DCUN1D3: variants seen among roughly 807,000 people sequenced by gnomAD.
The protein encoded by DCUN1D3 is DCN1-like protein 3.
Under a neutral mutation model 24.8 loss-of-function variants are expected in DCUN1D3, and 6 were observed. The observed-to-expected ratio is 0.24, with a 90% confidence interval of 0.13 to 0.48. The LOEUF is 0.48. Ranked by LOEUF, DCUN1D3 falls within the 20% of genes least tolerant of loss-of-function variation. The pLI is 0.99. For synonymous variants in DCUN1D3, 120 were observed against 144.9 expected, an observed-to-expected ratio of 0.83 and a Z score of 1.24; for missense variants, 258 against 379.4, an observed-to-expected ratio of 0.68 and a Z score of 2.66.
chr16:20,877,939 G>A (rs1183226191), intron 1 of DCUN1D3, among the ~76,000 whole-genome samples: 1 of 152,160 alleles, frequency 6.6e-6, no homozygotes, highest in Non-Finnish European at 1.5e-5. Context: ...TAAGACTACA[G>A]GCACATGGTG....
chr16:20,891,536 C>T (rs1567430815), intron 1 of DCUN1D3, among the ~76,000 whole-genome samples: 1 of 152,168 alleles, frequency 6.6e-6, no homozygotes, highest in Admixed American at 6.5e-5. Flanking sequence ...GGCCAGCAGT[C>T]TGTAAAGATG....
intron 1 of DCUN1D3, among the ~76,000 whole-genome samples, chr16:20,895,737 G>C (rs2081912506): frequency 6.6e-6 from 1 of 152,192 alleles, no homozygotes; most frequent in South Asian, 2.1e-4. Flanking sequence ...AGTGAAACTA[G>C]ATTTGAACTG....
chr16:20,894,927 T>C (rs1167315373), intron 1 of DCUN1D3, among the ~76,000 whole-genome samples: 1 of 152,212 alleles, frequency 6.6e-6, no homozygotes, highest in African/African-American at 2.4e-5. Context: ...TTTTCTTTCA[T>C]TTTCAGTGCA....
Position 20,883,496 on chromosome 16 carries a change from GA to G in DCUN1D3, c.-106+16707del, listed in dbSNP as rs534522737. On this transcript the variant is annotated intron_variant, in intron 1 of 2. Transcript: ENST00000324344. ...CCACTGCACTCCAGCCTGGGTGACA[GA>G]GCGCAACTCCATCTCAAAAAAAAAA... Among the ~76,000 whole-genome samples the G allele has an allele frequency of 7.9e-5, 12 of 152,150 alleles. No individual in the cohort carries two copies. In the South Asian group the frequency reaches 2.5e-3, roughly 32 times the overall value.
chr16:20,859,675 C>A lies in DCUN1D3; in HGVS notation c.*211G>T, dbSNP rs2081720668. On this transcript the variant is annotated 3_prime_UTR_variant, in exon 3 of 3. Coordinates refer to ENST00000324344, the MANE Select transcript of DCUN1D3 (RefSeq NM_173475.4). ...ACCAGGTTCAAATATTCTGGGAGAT[C>A]CCCCCAAAAAGGAAATAACCAAAAT... The A allele has an allele frequency of 5.7e-6, 3 of 528,230 alleles. No homozygotes were observed. Among genetic ancestry groups the A allele is most frequent in the African/African-American group, 1.9e-5 (1 of 52,008 alleles). The allele number at this position is 528,230 out of a possible 1,614,324, so 32.7% of individuals were successfully genotyped here.
In DCUN1D3 at chr16:20,859,549, A is replaced by C. The variant is rs796269928; in HGVS notation, c.*337T>G. 155 of 178,386 alleles carry C rather than the reference A, an allele frequency of 8.7e-4. No individual in the cohort carries two copies. Among genetic ancestry groups the C allele is most frequent in the African/African-American group, 3.9e-3 (145 of 36,906 alleles). 11.1% of individuals were successfully genotyped at this position (178,386 alleles called of 1,614,324 possible). A position where few individuals can be genotyped will look rare whatever the true frequency, so the allele number is the denominator to read the frequency against. On this transcript the variant is annotated 3_prime_UTR_variant, in exon 3 of 3. Coordinates refer to ENST00000324344, the MANE Select transcript of DCUN1D3 (RefSeq NM_173475.4). ...CTATGCCCTCCCCTACCAAAAAAAA[A>C]AAAAAAAAAACAAAAAAAAACAAAA...
intron 1 of DCUN1D3, among the ~76,000 whole-genome samples, chr16:20,866,402 G>C (rs1182617389): frequency 6.6e-6 from 1 of 152,132 alleles, no homozygotes; most frequent in African/African-American, 2.4e-5. Flanking sequence ...CGAGATAAGA[G>C]GATTTCCTGG....
chr16:20,890,286 C>T (rs1245902018), intron 1 of DCUN1D3, among the ~76,000 whole-genome samples: 1 of 152,058 alleles, frequency 6.6e-6, no homozygotes, highest in Non-Finnish European at 1.5e-5. Context: ...ATACCCAATA[C>T]CTGCAGCTGG....
intron 1 of DCUN1D3, among the ~76,000 whole-genome samples, chr16:20,890,383 T>C (rs1346980199): frequency 6.6e-6 from 1 of 152,112 alleles, no homozygotes; most frequent in Non-Finnish European, 1.5e-5. Flanking sequence ...ATCCCAGCAC[T>C]TTGAGAGGCC....
intron 2 of DCUN1D3, among the ~76,000 whole-genome samples, chr16:20,861,877 G>T (rs2081735188): frequency 6.6e-6 from 1 of 152,136 alleles, no homozygotes. Context: ...TAGGTCTGCT[G>T]CAGAGCCAGA....
At chr16:20,862,854 G>A (rs1442287210) in intron 1 of DCUN1D3, among the ~76,000 whole-genome samples, 1 of 152,186 alleles carries the variant, frequency 6.6e-6, no homozygotes, top group Non-Finnish European at 1.5e-5. Context: ...GAACCAATGA[G>A]GGAAATTCCT....
At chr16:20,883,655 G>T (rs1411222026) in intron 1 of DCUN1D3, among the ~76,000 whole-genome samples, 1 of 152,154 alleles carries the variant, frequency 6.6e-6, no homozygotes, top group Non-Finnish European at 1.5e-5. Context: ...TATGAAAATA[G>T]CAAATATGCA....
rs2081708977 is a variant in DCUN1D3 at position 20,857,717 on chromosome 16, G to GACCCCCTTCA, written c.*2168_*2169insTGAAGGGGGT. ...TCTTATTTAGCTAGAACAGAAGCCA[G>GACCCCCTTCA]GCATCTGGCCCAAGACCCCCTTCAG... is the stretch of plus-strand genomic sequence containing the variant. On this transcript the variant is annotated 3_prime_UTR_variant, in exon 3 of 3. Coordinates refer to ENST00000324344, the MANE Select transcript of DCUN1D3 (RefSeq NM_173475.4). 6.6e-6 allele frequency: 1 copy of GACCCCCTTCA among 152,144 alleles called. No homozygotes were observed. Among genetic ancestry groups the GACCCCCTTCA allele is most frequent in the Non-Finnish European group, 1.5e-5 (1 of 68,042 alleles). 9.4% of individuals were successfully genotyped at this position (152,144 alleles called of 1,614,324 possible).
At chr16:20,864,068 AT>A (rs1690567445) in intron 1 of DCUN1D3, among the ~76,000 whole-genome samples, 1 of 152,216 alleles carries the variant, frequency 6.6e-6, no homozygotes, top group South Asian at 2.1e-4. Flanking sequence ...CCAGGCAAAG[AT>A]TTCATAACAA....
chr16:20,861,616 G>C (rs1444535581), intron 2 of DCUN1D3, among the ~76,000 whole-genome samples: 1 of 152,160 alleles, frequency 6.6e-6, no homozygotes, highest in African/African-American at 2.4e-5. Context: ...GCAGCAACTT[G>C]GCCACCTGGC....
At chr16:20,887,830 T>C (rs534484555) in intron 1 of DCUN1D3, among the ~76,000 whole-genome samples, 1 of 152,348 alleles carries the variant, frequency 6.6e-6, no homozygotes, top group East Asian at 1.9e-4. Flanking sequence ...CCTCAAGGCA[T>C]ACAGTCAAAG....
rs375695223 is a variant in DCUN1D3 at position 20,865,862 on chromosome 16, A to G, written c.-105-3219T>C. 9.0e-4 allele frequency among the ~76,000 whole-genome samples: 137 copies of G among 152,358 alleles called. 4 individuals are homozygous for G. In the South Asian group the frequency reaches 0.028, roughly 31 times the overall value. ...TGAGTATACAGTAAGTTTAAAATGA[A>G]GAGCACAATCATTCCTGTAGTTATT... On this transcript the variant is annotated intron_variant, in intron 1 of 2. Transcript: ENST00000324344.
At chr16:20,877,534 A>G (rs949843402) in intron 1 of DCUN1D3, among the ~76,000 whole-genome samples, 8 of 152,192 alleles carry the variant, frequency 5.3e-5, no homozygotes, top group Admixed American at 4.6e-4. Context: ...TGGCACATTG[A>G]TAAGTATCTG....
chr16:20,869,378 G>A (rs2081777616), intron 1 of DCUN1D3, among the ~76,000 whole-genome samples: 2 of 152,186 alleles, frequency 1.3e-5, no homozygotes, highest in Non-Finnish European at 1.5e-5. Context: ...GAGGGACTGG[G>A]GACGTGAAAT....
Sources: allele counts gnomAD v4.1 joint callset (sites outside exome capture counted in the v4.1 genomes callset), GRCh38; gene constraint gnomAD v4.1.1; transcripts MANE v1.5; gene names NCBI Gene and HGNC (gene_info 2026-07-23, HGNC 2026-07-21).